Variants in KAT6A observed in about 807,000 individuals in gnomAD.
KAT6A encodes the protein histone acetyltransferase KAT6A.
KAT6A carries 9 observed loss-of-function variants against 198.4 expected under a neutral mutation model. That is an observed-to-expected ratio of 0.05 (90% CI 0.03 to 0.08). The LOEUF (loss-of-function observed/expected upper bound fraction) is 0.08, where lower values mean the gene tolerates loss of function less well. KAT6A is among the 10% of genes least tolerant of loss of function. The probability of loss-of-function intolerance (pLI) is 1.00; values close to 1 mark genes in which losing one functional copy is unlikely to be tolerated. For synonymous variants in KAT6A, 890 were observed against 883.0 expected, an observed-to-expected ratio of 1.01 and a Z score of -0.14; for missense variants, 2,077 against 2,509.9, an observed-to-expected ratio of 0.83 and a Z score of 3.69.
intron 8 of KAT6A, 105 bp from the exon 9 acceptor site, chr8:41,955,516 T>A: frequency 1.5e-6 from 1 of 686,462 alleles, no homozygotes; most frequent in Non-Finnish European, 2.5e-6. Context: ...TCCAAAGGAG[T>A]AAAACAAAAA....
chr8:41,942,785 G>T lies in KAT6A; in HGVS notation c.2436+8C>A. 6.2e-7 allele frequency: 1 copy of T among 1,613,592 alleles called. No homozygotes were observed. The highest frequency in any genetic ancestry group is 8.5e-7 in the Non-Finnish European group (1 of 1,179,728). ...GTCATCAAAAATAGAGACTATTCAT[G>T]CCCTTACACTGATCTCTAATTCTCT... On this transcript the variant is annotated splice_region_variant and intron_variant, in intron 14 of 16. Coordinates refer to ENST00000265713, the MANE Select transcript of KAT6A (RefSeq NM_006766.5).
Position 41,934,514 on chromosome 8 carries a change from C to A in KAT6A, c.3706G>T (p.Ala1236Ser). The change falls in exon 17 of 17, where the codon GCT becomes TCT. Residue 1236 changes from alanine to serine, a missense_variant. This residue lies in a region of KAT6A where 375 missense variants were observed against 383.0 expected (regional missense o/e 0.98). Transcript: ENST00000265713. ...GCATCCTCTTCCTCACCCTCTTCAG[C>A]CTCTTCTGCCTCTGCTTGCATCTCC... The part of the protein sequence containing the change: ...EEEMQAEAEE[A>S]EEGEEEDAAS... 1 of 1,613,510 alleles carries A rather than the reference C, an allele frequency of 6.2e-7. No individual in the cohort carries two copies. The highest frequency in any genetic ancestry group is 8.5e-7 in the Non-Finnish European group (1 of 1,179,714).
At chr8:42,043,507 G>A (rs1312832786) in intron 2 of KAT6A, 1 of 151,998 alleles carries the variant, frequency 6.6e-6, no homozygotes, top group East Asian at 1.9e-4. Context: ...TTTTTTTAAT[G>A]GACCTCAGAT....
intron 2 of KAT6A, among the ~76,000 whole-genome samples, chr8:42,017,198 G>C (rs1826316936): frequency 6.6e-6 from 1 of 152,192 alleles, no homozygotes; most frequent in Non-Finnish European, 1.5e-5. Flanking sequence ...GTTACTGAAT[G>C]AATCCCCCGC....
At chr8:42,035,825 A>G (rs1206167212) in intron 2 of KAT6A, among the ~76,000 whole-genome samples, 2 of 152,228 alleles carry the variant, frequency 1.3e-5, no homozygotes, top group African/African-American at 4.8e-5. Context: ...GTATACATAG[A>G]AAGAAGGATC....
At position 41,980,832 on chromosome 8, in the gene KAT6A, A is replaced by G. The variant is rs373423879; in HGVS notation, c.907+14T>C. The G allele has an allele frequency of 2.5e-6, 4 of 1,586,834 alleles. No individual in the cohort carries two copies. Among genetic ancestry groups the G allele is most frequent in the Non-Finnish European group, 2.6e-6 (3 of 1,155,382 alleles). Reference sequence around the variant, plus strand: ...CTTTATATTCCCAGTTTTATTTCAGAAAGTATTTCTCACCTTTTGGCATAC... The same window carrying G: ...CTTTATATTCCCAGTTTTATTTCAGGAAGTATTTCTCACCTTTTGGCATAC... On this transcript the variant is annotated intron_variant, in intron 5 of 16. Transcript: ENST00000265713.
At chr8:41,989,556 G>T (rs1302389590) in intron 2 of KAT6A, among the ~76,000 whole-genome samples, 1 of 151,920 alleles carries the variant, frequency 6.6e-6, no homozygotes, top group Admixed American at 6.6e-5. Flanking sequence ...GTGACGTGAC[G>T]TGACGTAACA....
intron 8 of KAT6A, among the ~76,000 whole-genome samples, chr8:41,970,908 TTA>T (rs1388934552): frequency 1.3e-5 from 2 of 152,186 alleles, no homozygotes; most frequent in Non-Finnish European, 2.9e-5. Context: ...AAGGATGAGT[TTA>T]TGTTCTTTGT....
At chr8:41,993,817 T>C (rs1825059217) in intron 2 of KAT6A, among the ~76,000 whole-genome samples, 1 of 152,204 alleles carries the variant, frequency 6.6e-6, no homozygotes, top group South Asian at 2.1e-4. Context: ...AACTATATTG[T>C]TAAAAGCATT....
chr8:41,974,916 TAATA>T, intron 7 of KAT6A, 94 bp from the exon 8 acceptor site: 1 of 691,056 alleles, frequency 1.4e-6, no homozygotes, highest in Non-Finnish European at 2.5e-6. Context: ...TTGAAGAACT[TAATA>T]TATAACGAAG....
chr8:42,005,007 T>A (rs1268478886), intron 2 of KAT6A, among the ~76,000 whole-genome samples: 1 of 152,216 alleles, frequency 6.6e-6, no homozygotes, highest in Non-Finnish European at 1.5e-5. Context: ...CTTCTTTTGC[T>A]TAGCAGATTA....
Position 41,942,775 on chromosome 8 carries a change from G to C in KAT6A, c.2436+18C>G. 1 of 1,610,966 alleles carries C rather than the reference G, an allele frequency of 6.2e-7. No homozygotes were observed. Among genetic ancestry groups the C allele is most frequent in the Non-Finnish European group, 8.5e-7 (1 of 1,178,690 alleles). ...TATATCTTCTGTCATCAAAAATAGA[G>C]ACTATTCATGCCCTTACACTGATCT... On this transcript the variant is annotated intron_variant, in intron 14 of 16. Transcript: ENST00000265713.
At chr8:42,049,886 A>G (rs558567108) in intron 1 of KAT6A, among the ~76,000 whole-genome samples, 18 of 152,352 alleles carry the variant, frequency 1.2e-4, no homozygotes, top group African/African-American at 4.3e-4. Context: ...AATCTCTCCT[A>G]ATGGAAACAA....
rs3824275 is a variant in KAT6A, at chr8:41,940,899, C to G, written c.2982G>C (p.Pro994=). The part of the protein sequence containing the change: ...FSESSEEEEE[P]ESPRSSSPPI... ...GTGGCGAGCTTGACCGAGGGCTTTC[C>G]GGCTCCTCCTCCTCCTCGCTGCTCT... is the stretch of plus-strand genomic sequence containing the variant. Residue 994 remains proline, a synonymous_variant, in exon 15 of 17, where the codon CCG becomes CCC. Coordinates refer to ENST00000265713, the MANE Select transcript of KAT6A (RefSeq NM_006766.5). The G allele has an allele frequency of 6.2e-6, 10 of 1,613,894 alleles. No individual in the cohort carries two copies. Among genetic ancestry groups the G allele is most frequent in the Non-Finnish European group, 8.5e-6 (10 of 1,180,004 alleles).
In KAT6A at chr8:41,946,700, C is replaced by T. The variant is rs1242710288; in HGVS notation, c.1903-16G>A. 1 of 1,473,716 alleles carries T rather than the reference C, an allele frequency of 6.8e-7. No homozygotes were observed. Among genetic ancestry groups the T allele is most frequent in the South Asian group, 1.1e-5 (1 of 88,176 alleles). 91.3% of individuals were successfully genotyped at this position (1,473,716 alleles called of 1,614,324 possible). On this transcript the variant is annotated splice_polypyrimidine_tract_variant and intron_variant, in intron 11 of 16. Coordinates refer to ENST00000265713, the MANE Select transcript of KAT6A (RefSeq NM_006766.5). The stretch of plus-strand genomic sequence containing the variant: ...AGTGCTTTTCCTGGTGGAGAAAACA[C>T]AAGTCAAGTTTGAAAACAGGCTGGT...
chr8:41,996,887 ACT>A (rs1825238692), intron 2 of KAT6A, among the ~76,000 whole-genome samples: 1 of 152,130 alleles, frequency 6.6e-6, no homozygotes, highest in South Asian at 2.1e-4. Context: ...AATTATTGCA[ACT>A]CGTTTCTTTA....
At chr8:42,049,923 A>G (rs75459584) in intron 1 of KAT6A, among the ~76,000 whole-genome samples, 4,063 of 152,348 alleles carry the variant, frequency 0.027, 206 homozygotes, top group South Asian at 0.15. Context: ...AGCCTAGAGT[A>G]AAAGTGCTTA....
intron 2 of KAT6A, among the ~76,000 whole-genome samples, chr8:42,031,372 T>C (rs141473078): frequency 6.6e-6 from 1 of 152,198 alleles, no homozygotes. Context: ...ATACATCTGA[T>C]ACCCTATTTT....
At chr8:41,976,923 T>G in intron 7 of KAT6A, 85 bp downstream of exon 7, 1 of 1,122,642 alleles carries the variant, frequency 8.9e-7, no homozygotes, top group Non-Finnish European at 1.3e-6. Flanking sequence ...TAATCAAATA[T>G]AAATCCATTA....
Sources: gnomAD v4.1 joint callset for allele counts (sites outside exome capture counted in the v4.1 genomes callset) on GRCh38, gnomAD v4.1.1 for gene constraint, gnomAD v4.1.1 regional missense constraint, MANE v1.5 for transcripts, NCBI Gene and HGNC (gene_info 2026-07-23, HGNC 2026-07-21) for gene names.